The following VWA3B variants were observed in gnomAD, a reference collection of about 807,000 sequenced individuals.
VWA3B encodes the protein von Willebrand factor A domain-containing protein 3B.
A neutral mutation model predicts 158.3 loss-of-function variants in VWA3B; 138 were observed. That is an observed-to-expected ratio of 0.87 (90% CI 0.76 to 1.00). The LOEUF (loss-of-function observed/expected upper bound fraction) is 1.00. Ranked by LOEUF, VWA3B falls within the 50% of genes least tolerant of loss-of-function variation. The pLI is 0.00. For synonymous variants in VWA3B, 596 were observed against 587.3 expected (o/e 1.01, Z -0.21); for missense variants, 1,555 against 1,565.1 (o/e 0.99, Z 0.11).
At chr2:98,162,801 A>G in intron 7 of VWA3B, 50 bp from the exon 8 acceptor site, 5 of 1,603,978 alleles carry the variant, frequency 3.1e-6, no homozygotes, top group Non-Finnish European at 4.3e-6. Context: ...GGGCTGCCAC[A>G]TTCCTGGGCC....
chr2:98,088,582 A>C lies in VWA3B; in HGVS notation c.-33+1219A>C, dbSNP rs537124923. The stretch of plus-strand genomic sequence containing the variant: ...ATACTTTCCTATCCAAACTCTATGT[A>C]TGGTTCTTGGGATGGCCTCTAAAAC... On this transcript the variant is annotated intron_variant, in intron 1 of 27. Transcript: ENST00000477737. 2.4e-4 allele frequency among the ~76,000 whole-genome samples: 37 copies of C among 152,170 alleles called. 1 individual carries two copies. Among genetic ancestry groups the C allele is most frequent in the African/African-American group, 8.7e-4 (36 of 41,496 alleles).
chr2:98,105,581 T>G lies in VWA3B; in HGVS notation c.197-10071T>G, dbSNP rs558023681. Among the ~76,000 whole-genome samples the G allele has an allele frequency of 9.2e-5, 14 of 152,292 alleles. No individual in the cohort carries two copies. In the South Asian group the frequency reaches 2.9e-3, roughly 32 times the overall value. ...GCCTGTGATCTATTTTGAATTAGTT[T>G]CTGTATAAGGTTCACGTTTTTTTGT... On this transcript the variant is annotated intron_variant, in intron 2 of 27. Transcript: ENST00000477737.
chr2:98,322,580 A>G, the VWA3B span, among the ~76,000 whole-genome samples: 1 of 152,242 alleles, frequency 6.6e-6, no homozygotes, highest in Non-Finnish European at 1.5e-5. Context: ...ACTGTTCAGA[A>G]ACAAAGCTGC....
At chr2:98,213,528 C>T (rs1683716419) in intron 13 of VWA3B, among the ~76,000 whole-genome samples, 1 of 152,016 alleles carries the variant, frequency 6.6e-6, no homozygotes, top group East Asian at 1.9e-4. Flanking sequence ...GACCTCATGG[C>T]CAGTTTGGAA....
At chr2:98,309,115 A>G (rs1456841027) in intron 26 of VWA3B, among the ~76,000 whole-genome samples, 1 of 150,586 alleles carries the variant, frequency 6.6e-6, no homozygotes, top group Non-Finnish European at 1.5e-5. Flanking sequence ...GCTTGCCATG[A>G]GCCGAGATCA....
At chr2:98,208,897 G>T (rs1425982598) in intron 12 of VWA3B, among the ~76,000 whole-genome samples, 1 of 152,022 alleles carries the variant, frequency 6.6e-6, no homozygotes, top group Non-Finnish European at 1.5e-5. Context: ...TATATGGAAA[G>T]CTTTCATGAA....
At chr2:98,303,642 G>T (rs1690336504) in intron 25 of VWA3B, 60 bp from the exon 26 acceptor site, 1 of 1,479,576 alleles carries the variant, frequency 6.8e-7, no homozygotes, top group Admixed American at 1.7e-5. Flanking sequence ...GAATAAAATT[G>T]TATCTGAATT....
intron 10 of VWA3B, among the ~76,000 whole-genome samples, chr2:98,189,169 G>A (rs1171829815): frequency 1.3e-5 from 2 of 152,220 alleles, no homozygotes; most frequent in African/African-American, 4.8e-5. Flanking sequence ...AGCACCTTGG[G>A]AGGCCAAGGG....
At chr2:98,116,495 G>A (rs996104211) in intron 3 of VWA3B, among the ~76,000 whole-genome samples, 3 of 151,910 alleles carry the variant, frequency 2.0e-5, no homozygotes, top group Non-Finnish European at 4.4e-5. Context: ...CAGAGGTTTT[G>A]TTCATTTTTT....
intron 19 of VWA3B, among the ~76,000 whole-genome samples, chr2:98,240,324 A>G (rs1015077574): frequency 1.3e-5 from 2 of 152,296 alleles, no homozygotes; most frequent in South Asian, 2.1e-4. Flanking sequence ...TCTCATGCCT[A>G]TAGTTGCAAG....
chr2:98,258,388 G>GA (rs60605811), intron 21 of VWA3B, among the ~76,000 whole-genome samples: 7 of 150,070 alleles, frequency 4.7e-5, no homozygotes, highest in Middle Eastern at 6.8e-3. Flanking sequence ...TTCTATTTCT[G>GA]AAAAAAAAAT....
intron 22 of VWA3B, among the ~76,000 whole-genome samples, chr2:98,289,385 T>G (rs1689356324): frequency 6.6e-6 from 1 of 152,170 alleles, no homozygotes; most frequent in Admixed American, 6.5e-5. Context: ...AGTTTCTACC[T>G]AGGGATATGA....
In VWA3B at chr2:98,125,728, G is replaced by A. The variant is rs972206265; in HGVS notation, c.703-2511G>A. On this transcript the variant is annotated intron_variant, in intron 5 of 27. Coordinates refer to ENST00000477737, the MANE Select transcript of VWA3B (RefSeq NM_144992.5). This position sits in a 1 kb window ranked among gnomAD's most constrained non-coding sequence, Gnocchi z 4.1. ...CGCCCAGGCTGGAGTGCAGTGGCACGATTCGGCTCACTGCAAGCTCCGCCT... is the reference window on the plus strand; with the variant it reads ...CGCCCAGGCTGGAGTGCAGTGGCACAATTCGGCTCACTGCAAGCTCCGCCT... 1.3e-5 allele frequency among the ~76,000 whole-genome samples: 2 copies of A among 151,926 alleles called. No individual in the cohort carries two copies. Among genetic ancestry groups the A allele is most frequent in the South Asian group, 2.1e-4 (1 of 4,822 alleles).
intron 3 of VWA3B, among the ~76,000 whole-genome samples, chr2:98,118,857 C>T (rs1346072435): frequency 6.6e-6 from 1 of 152,208 alleles, no homozygotes; most frequent in Non-Finnish European, 1.5e-5. Flanking sequence ...CTTGAAAGGC[C>T]TTGCACAGTG....
At position 98,121,378 on chromosome 2, in the gene VWA3B, G is replaced by A; in HGVS notation, c.622G>A (p.Val208Ile). ...GTCCATAGCTACTGCCATCAGTTGGGTTGAGAAACTGACGGTTGAGCTGAC... is the reference window on the plus strand; with the variant it reads ...GTCCATAGCTACTGCCATCAGTTGGATTGAGAAACTGACGGTTGAGCTGAC... ...EQSIATAISW[V>I]EKLTVELTVS... The change falls in exon 5 of 28, where the codon GTT becomes ATT. Residue 208 changes from valine to isoleucine, a missense_variant. Coordinates refer to ENST00000477737, the MANE Select transcript of VWA3B (RefSeq NM_144992.5). 6.2e-7 allele frequency: 1 copy of A among 1,614,224 alleles called. No individual in the cohort carries two copies. The highest frequency in any genetic ancestry group is 2.2e-5 in the East Asian group (1 of 44,888).
intron 4 of VWA3B, 41 bp downstream of exon 4, chr2:98,119,804 T>C (rs375740190): frequency 9.3e-5 from 150 of 1,605,478 alleles, no homozygotes; most frequent in Non-Finnish European, 1.2e-4. Context: ...TGAAAGTTCA[T>C]AGTAATTTGT....
chr2:98,249,183 T>C (rs1686633188), intron 19 of VWA3B, among the ~76,000 whole-genome samples: 1 of 152,132 alleles, frequency 6.6e-6, no homozygotes, highest in South Asian at 2.1e-4. Flanking sequence ...AATATTAATA[T>C]ATGGAATATA....
chr2:98,195,140 G>A (rs1486958721), intron 12 of VWA3B, among the ~76,000 whole-genome samples: 2 of 152,150 alleles, frequency 1.3e-5, no homozygotes, highest in African/African-American at 4.8e-5. Context: ...GAGACCAAGA[G>A]TTGTTCTTAA....
In VWA3B at chr2:98,252,301, A is replaced by G. The variant is rs7603591; in HGVS notation, c.2792+1865A>G. ...AGCAGGCGTCTGTGTGTATATGACTATTCAAATTTAATTCAAATTTTATAT... is the reference window on the plus strand; with the variant it reads ...AGCAGGCGTCTGTGTGTATATGACTGTTCAAATTTAATTCAAATTTTATAT... On this transcript the variant is annotated intron_variant, in intron 20 of 27. Transcript: ENST00000477737. Among the ~76,000 whole-genome samples, 990 of 152,268 alleles carry G rather than the reference A, an allele frequency of 6.5e-3. 18 individuals carry two copies. Among genetic ancestry groups the G allele is most frequent in the African/African-American group, 0.023 (945 of 41,514 alleles).
Sources: gnomAD v4.1 joint callset for allele counts (sites outside exome capture counted in the v4.1 genomes callset) on GRCh38, gnomAD v4.1.1 for gene constraint, Gnocchi (gnomAD v3.1) non-coding constraint, MANE v1.5 for transcripts, NCBI Gene and HGNC (gene_info 2026-07-23, HGNC 2026-07-21) for gene names.